Variants in SPATA7 observed in about 807,000 individuals in gnomAD.
SPATA7 encodes spermatogenesis-associated protein 7.
SPATA7 carries 43 observed loss-of-function variants against 51.8 expected under a neutral mutation model. The ratio of observed to expected loss-of-function variants is 0.83; its 90% CI spans 0.65 to 1.07. SPATA7 has a LOEUF of 1.07. Among genes scored for constraint, SPATA7 ranks in the 50% least tolerant of loss-of-function variants. The probability of loss-of-function intolerance (pLI) is 0.00; values close to 1 mark genes in which losing one functional copy is unlikely to be tolerated. For missense variants in SPATA7, 683 were observed against 701.3 expected, an observed-to-expected ratio of 0.97 and a Z score of 0.30; for synonymous variants, 230 against 252.8, an observed-to-expected ratio of 0.91 and a Z score of 0.86.
chr14:88,463,075 T>TGTATCCCTAG (rs1160783624), intron 4 of SPATA7, among the ~76,000 whole-genome samples: 1 of 152,186 alleles, frequency 6.6e-6, no homozygotes, highest in Non-Finnish European at 1.5e-5. Context: ...TAATTTTACT[T>TGTATCCCTAG]GTATGTGACC....
chr14:88,453,296 G>A (rs1431263442), intron 3 of SPATA7, among the ~76,000 whole-genome samples: 1 of 152,192 alleles, frequency 6.6e-6, no homozygotes, highest in Non-Finnish European at 1.5e-5. Context: ...AGAAAGTTCA[G>A]GTTCCCCGTG....
intron 3 of SPATA7, among the ~76,000 whole-genome samples, chr14:88,394,741 G>GAGTGAATATAC (rs2075836330): frequency 6.6e-6 from 1 of 152,116 alleles, no homozygotes; most frequent in Admixed American, 6.6e-5. Flanking sequence ...CAGTTTTCCA[G>GAGTGAATATAC]AGTGAATATA....
At chr14:88,448,283 C>T (rs993780008) in intron 3 of SPATA7, among the ~76,000 whole-genome samples, 4 of 152,272 alleles carry the variant, frequency 2.6e-5, no homozygotes, top group African/African-American at 9.6e-5. Flanking sequence ...GCATTGGCTC[C>T]TGAGGCTTCT....
chr14:88,456,040 A>G (rs2077282153), downstream of SPATA7, among the ~76,000 whole-genome samples: 1 of 151,974 alleles, frequency 6.6e-6, no homozygotes, highest in Non-Finnish European at 1.5e-5. Context: ...CCATGTCCCT[A>G]CAAAGGACAT....
At chr14:88,409,569 T>C (rs1353832970) in intron 4 of SPATA7, among the ~76,000 whole-genome samples, 1 of 152,132 alleles carries the variant, frequency 6.6e-6, no homozygotes, top group Non-Finnish European at 1.5e-5. Flanking sequence ...TTTTGAAGGG[T>C]TTTTCACATC....
rs764131918 is a variant in SPATA7, at chr14:88,469,038, TTGTA to T, written c.255-806_255-803del. 1.9e-6 allele frequency: 3 copies of T among 1,613,994 alleles called. No individual in the cohort carries two copies. In the South Asian group the frequency reaches 3.3e-5, roughly 18 times the overall value. The stretch of plus-strand genomic sequence containing the variant: ...GGGCTTTGGGGATCACTTGTGCTAT[TTGTA>T]TGGCGTCGAACAGACTGGATCTCTT... On this transcript the variant is annotated intron_variant, in intron 4 of 4. Transcript: ENST00000556406. This position sits in a 1 kb window ranked among gnomAD's most constrained non-coding sequence, Gnocchi z 4.3.
In SPATA7 at chr14:88,385,664, C is replaced by G; in HGVS notation, c.-155C>G. ...ACGTCACAATAGCGACTCACTGGACCCAGCCCTTAGCAACGGCCTGGCAAC... is the reference window on the plus strand; with the variant it reads ...ACGTCACAATAGCGACTCACTGGACGCAGCCCTTAGCAACGGCCTGGCAAC... On this transcript the variant is annotated 5_prime_UTR_variant, in exon 1 of 12. Transcript: ENST00000393545. 1.3e-6 allele frequency: 1 copy of G among 758,930 alleles called. No homozygotes were observed. Among genetic ancestry groups the G allele is most frequent in the Non-Finnish European group, 2.3e-6 (1 of 434,986 alleles). 47.0% of individuals were successfully genotyped at this position (758,930 alleles called of 1,614,324 possible).
intron 3 of SPATA7, among the ~76,000 whole-genome samples, chr14:88,453,401 A>T (rs2077264986): frequency 6.6e-6 from 1 of 152,226 alleles, no homozygotes; most frequent in African/African-American, 2.4e-5. Context: ...CATCATTAGA[A>T]GGCTGGCCTT....
intron 4 of SPATA7, among the ~76,000 whole-genome samples, chr14:88,413,511 A>G (rs995484352): frequency 1.3e-5 from 2 of 152,096 alleles, no homozygotes; most frequent in African/African-American, 4.8e-5. Flanking sequence ...TTTGACTACT[A>G]CTTTTCCAAT....
chr14:88,429,262 C>A lies in SPATA7; in HGVS notation c.913-86C>A, dbSNP rs977279442. 4 of 733,600 alleles carry A rather than the reference C, an allele frequency of 5.5e-6. No individual in the cohort carries two copies. The African/African-American group carries it at 7.0e-5, about 13-fold the overall frequency. The allele number at this position is 733,600 out of a possible 1,614,324, so 45.4% of individuals were successfully genotyped here. Reference sequence around the variant, plus strand: ...TTTTTATCTACTGGATATCTCTGTTCAATCACTTAAAATTTGCTGTGTTAT... The same window carrying A: ...TTTTTATCTACTGGATATCTCTGTTAAATCACTTAAAATTTGCTGTGTTAT... On this transcript the variant is annotated intron_variant, in intron 7 of 11. Coordinates refer to ENST00000393545, the MANE Select transcript of SPATA7 (RefSeq NM_018418.5).
intron 8 of SPATA7, 136 bp downstream of exon 8, chr14:88,429,599 G>T: frequency 4.0e-6 from 2 of 497,186 alleles, no homozygotes; most frequent in African/African-American, 2.0e-5. Context: ...TTCAATAACA[G>T]TTTTAGTTTT....
At chr14:88,405,020 G>A (rs1033038090) in intron 4 of SPATA7, among the ~76,000 whole-genome samples, 2 of 152,188 alleles carry the variant, frequency 1.3e-5, no homozygotes, top group Non-Finnish European at 2.9e-5. Flanking sequence ...AAATGACTGA[G>A]AGTCCCTTGG....
At chr14:88,414,519 T>C (rs1292155939) in intron 4 of SPATA7, among the ~76,000 whole-genome samples, 1 of 152,190 alleles carries the variant, frequency 6.6e-6, no homozygotes, top group African/African-American at 2.4e-5. Context: ...TTTGTTTCAT[T>C]GAACATTTAT....
intron 8 of SPATA7, among the ~76,000 whole-genome samples, chr14:88,430,176 G>T (rs1481046067): frequency 1.3e-5 from 2 of 152,022 alleles, no homozygotes; most frequent in African/African-American, 4.8e-5. Context: ...AGATTAAAAA[G>T]AGGGCAAGAA....
intron 4 of SPATA7, among the ~76,000 whole-genome samples, chr14:88,397,619 G>A (rs2075923851): frequency 6.6e-6 from 1 of 150,474 alleles, no homozygotes; most frequent in African/African-American, 2.5e-5. Flanking sequence ...CTCTGGCCTA[G>A]GTGACAGGGA....
At chr14:88,413,641 T>C (rs974525861) in intron 4 of SPATA7, among the ~76,000 whole-genome samples, 1 of 152,188 alleles carries the variant, frequency 6.6e-6, no homozygotes, top group East Asian at 1.9e-4. Context: ...AGAGGAATGC[T>C]TCCAGCTTTT....
At chr14:88,461,713 G>C (rs535279995) in intron 4 of SPATA7, among the ~76,000 whole-genome samples, 9 of 151,728 alleles carry the variant, frequency 5.9e-5, no homozygotes, top group South Asian at 2.1e-4. Flanking sequence ...TGCACCCACT[G>C]TCCTGCCCCC....
intron 4 of SPATA7, chr14:88,415,165 C>T (rs1344101779): frequency 1.6e-5 from 4 of 249,686 alleles, no homozygotes; most frequent in Non-Finnish European, 2.6e-5. Context: ...ATGTTGAAGT[C>T]CCCCATTATT....
At chr14:88,392,112 G>T (rs566577380) in intron 2 of SPATA7, among the ~76,000 whole-genome samples, 11 of 152,000 alleles carry the variant, frequency 7.2e-5, no homozygotes, top group African/African-American at 2.7e-4. Flanking sequence ...TTGTATTACA[G>T]TGTATTTTTT....
Sources: allele counts gnomAD v4.1 joint callset (sites outside exome capture counted in the v4.1 genomes callset), GRCh38; gene constraint gnomAD v4.1.1; non-coding constraint Gnocchi (gnomAD v3.1); transcripts MANE v1.5; gene names NCBI Gene and HGNC (gene_info 2026-07-23, HGNC 2026-07-21).